CHCHD6: variants seen among roughly 807,000 people sequenced by gnomAD.
The protein encoded by CHCHD6 is coiled-coil-helix-coiled-coil-helix domain containing 6, also known as MICOS complex subunit MIC25.
A neutral mutation model predicts 32.3 loss-of-function variants in CHCHD6; 28 were observed. The ratio of observed to expected loss-of-function variants is 0.87; its 90% CI spans 0.64 to 1.19. The LOEUF is 1.19. CHCHD6 is among the 50% of genes most tolerant of loss of function. The pLI, the probability that CHCHD6 is intolerant of heterozygous loss-of-function variation, is 0.00. For synonymous variants in CHCHD6, 122 were observed against 117.5 expected (o/e 1.04, Z -0.25); for missense variants, 333 against 307.0 (o/e 1.08, Z -0.63).
intron 5 of CHCHD6, among the ~76,000 whole-genome samples, chr3:126,866,708 T>C (rs1292383641): frequency 6.6e-6 from 1 of 152,240 alleles, no homozygotes; most frequent in African/African-American, 2.4e-5. Flanking sequence ...AGCCTTTCTT[T>C]CCTTGTCCCC....
At position 126,871,630 on chromosome 3, in the gene CHCHD6, A is replaced by G. The variant is rs115895672; in HGVS notation, c.495+18900A>G. Among the ~76,000 whole-genome samples, 339 of 149,316 alleles carry G rather than the reference A, an allele frequency of 2.3e-3. 1 individual carries two copies. Among genetic ancestry groups the G allele is most frequent in the African/African-American group, 7.6e-3 (308 of 40,626 alleles). ...ATTTTTAGGCTCGTTGGAGCTGAGG[A>G]CAGCTTATGCTCTTCCCCCCGACCC... On this transcript the variant is annotated intron_variant, in intron 5 of 7. Coordinates refer to ENST00000290913, the MANE Select transcript of CHCHD6 (RefSeq NM_032343.3).
At chr3:126,781,985 G>T (rs567927169) in intron 4 of CHCHD6, among the ~76,000 whole-genome samples, 2 of 152,286 alleles carry the variant, frequency 1.3e-5, no homozygotes, top group East Asian at 1.9e-4. Flanking sequence ...AGAAACAGAT[G>T]TAAGATCTGC....
At chr3:126,806,957 G>C (rs1429321729) in intron 4 of CHCHD6, among the ~76,000 whole-genome samples, 7 of 147,326 alleles carry the variant, frequency 4.8e-5, no homozygotes, top group South Asian at 2.2e-4. Flanking sequence ...GACAAAAAAC[G>C]AAACACCGCA....
At chr3:126,797,775 C>G (rs1938863207) in intron 4 of CHCHD6, among the ~76,000 whole-genome samples, 1 of 152,212 alleles carries the variant, frequency 6.6e-6, no homozygotes, top group Non-Finnish European at 1.5e-5. Context: ...GGACTTGTTT[C>G]TAACACACGT....
intron 1 of CHCHD6, 136 bp from the exon 2 acceptor site, chr3:126,726,938 TTTAG>T: frequency 1.6e-6 from 1 of 639,262 alleles, no homozygotes. Flanking sequence ...CGAGAGGAGT[TTTAG>T]TAGAATTGCT....
At chr3:126,945,201 A>G (rs929591447) in intron 6 of CHCHD6, among the ~76,000 whole-genome samples, 22 of 151,924 alleles carry the variant, frequency 1.4e-4, no homozygotes, top group Admixed American at 1.0e-3. Flanking sequence ...GCTCACTGTG[A>G]ACTGGCCATG....
intron 4 of CHCHD6, among the ~76,000 whole-genome samples, chr3:126,833,155 A>T (rs1165817084): frequency 6.6e-6 from 1 of 152,196 alleles, no homozygotes; most frequent in Non-Finnish European, 1.5e-5. Flanking sequence ...ACATGTGCAC[A>T]TGCTCATACA....
At chr3:126,726,321 C>T (rs1054803056) in intron 1 of CHCHD6, among the ~76,000 whole-genome samples, 3 of 152,140 alleles carry the variant, frequency 2.0e-5, no homozygotes, top group South Asian at 2.1e-4. Context: ...CAGCATTTAT[C>T]GGTTAAGTTC....
chr3:126,874,088 C>A (rs977952385), intron 5 of CHCHD6, among the ~76,000 whole-genome samples: 2 of 152,340 alleles, frequency 1.3e-5, no homozygotes, highest in African/African-American at 4.8e-5. Flanking sequence ...GGGTCCCCTC[C>A]AGACAGTCTG....
At position 126,819,938 on chromosome 3, in the gene CHCHD6, T is replaced by C. The variant is rs534922888; in HGVS notation, c.412-32709T>C. On this transcript the variant is annotated intron_variant, in intron 4 of 7. Transcript: ENST00000290913. ...CCTGGGAGGCTTTTGTCTGGTCAGC[T>C]GTCTGGGCTTTGTTTCATCATAGGA... Among the ~76,000 whole-genome samples, 66 of 152,358 alleles carry C rather than the reference T, an allele frequency of 4.3e-4. 1 individual carries two copies. Among genetic ancestry groups the C allele is most frequent in the African/African-American group, 1.5e-3 (63 of 41,596 alleles).
At chr3:126,713,308 C>T (rs1026133601) in intron 1 of CHCHD6, among the ~76,000 whole-genome samples, 8 of 152,172 alleles carry the variant, frequency 5.3e-5, no homozygotes, top group African/African-American at 9.7e-5. Flanking sequence ...AGAGGCAGCC[C>T]GTGACCAGCT....
At chr3:126,829,229 C>A (rs1222147381) in intron 4 of CHCHD6, among the ~76,000 whole-genome samples, 2 of 152,134 alleles carry the variant, frequency 1.3e-5, no homozygotes, top group Admixed American at 1.3e-4. Flanking sequence ...GGTTGTGGAA[C>A]TCTCCTTTCT....
intron 5 of CHCHD6, among the ~76,000 whole-genome samples, chr3:126,885,060 G>A (rs1021443683): frequency 7.2e-5 from 11 of 152,294 alleles, no homozygotes; most frequent in Non-Finnish European, 1.3e-4. Context: ...TGGCACTGGT[G>A]TCAGGGGGCA....
At chr3:126,788,023 T>G (rs1357836514) in intron 4 of CHCHD6, among the ~76,000 whole-genome samples, 2 of 151,768 alleles carry the variant, frequency 1.3e-5, no homozygotes, top group African/African-American at 2.4e-5. Context: ...TTATTGAGAG[T>G]TTTTAGCATG....
In CHCHD6 at chr3:126,733,199, G is replaced by A. The variant is rs1454112032; in HGVS notation, c.388G>A (p.Glu130Lys). 1 of 1,614,118 alleles carries A rather than the reference G, an allele frequency of 6.2e-7. No individual in the cohort carries two copies. The highest frequency in any genetic ancestry group is 8.5e-7 in the Non-Finnish European group (1 of 1,179,994). ...LPTGEGSISH[E>K]EQKSVRLARE... ...CACGGGCGAAGGCAGCATCAGCCATGAGGAGCAGAAGTCAGTCCGGCTGGT... is the reference window on the plus strand; with the variant it reads ...CACGGGCGAAGGCAGCATCAGCCATAAGGAGCAGAAGTCAGTCCGGCTGGT... The change falls in exon 4 of 8, where the codon GAG becomes AAG. Residue 130 changes from glutamate (E) to lysine (K), a missense_variant. Glu to Lys is a moderately conservative substitution (Grantham distance 56). Transcript: ENST00000290913.
At chr3:126,807,455 G>T (rs1270133898) in intron 4 of CHCHD6, among the ~76,000 whole-genome samples, 1 of 152,080 alleles carries the variant, frequency 6.6e-6, no homozygotes, top group Non-Finnish European at 1.5e-5. Context: ...AGAAGGGCTA[G>T]AAAGTAGATT....
intron 6 of CHCHD6, among the ~76,000 whole-genome samples, chr3:126,956,314 C>A (rs1310695010): frequency 6.6e-6 from 1 of 152,198 alleles, no homozygotes; most frequent in Non-Finnish European, 1.5e-5. Context: ...GTGGGTCCGT[C>A]TACAGCTGGG....
chr3:126,723,060 G>A (rs765009300), intron 1 of CHCHD6, among the ~76,000 whole-genome samples: 1 of 152,154 alleles, frequency 6.6e-6, no homozygotes, highest in Non-Finnish European at 1.5e-5. Flanking sequence ...TGAAGAGACC[G>A]CTCTTTCCCC....
chr3:126,711,902 T>A (rs1417270609), intron 1 of CHCHD6, among the ~76,000 whole-genome samples: 1 of 152,256 alleles, frequency 6.6e-6, no homozygotes, highest in East Asian at 1.9e-4. Flanking sequence ...GTACACACTG[T>A]GTGCCGGTTT....
Sources: gnomAD v4.1 joint callset for allele counts (sites outside exome capture counted in the v4.1 genomes callset) on GRCh38, gnomAD v4.1.1 for gene constraint, MANE v1.5 for transcripts, NCBI Gene and HGNC (gene_info 2026-07-23, HGNC 2026-07-21) for gene names.